The following NPAS3 variants were observed in gnomAD, a reference collection of about 807,000 sequenced individuals.
The protein encoded by NPAS3 is neuronal PAS domain-containing protein 3.
A neutral mutation model predicts 73.1 loss-of-function variants in NPAS3; 14 were observed. The ratio of observed to expected loss-of-function variants is 0.19; its 90% CI spans 0.13 to 0.30. The LOEUF (loss-of-function observed/expected upper bound fraction) is 0.30. NPAS3 is among the 10% of genes least tolerant of loss of function. The pLI is 1.00. For missense variants in NPAS3, 1,096 were observed against 1,250.0 expected, an observed-to-expected ratio of 0.88 and a Z score of 1.86; for synonymous variants, 620 against 541.5, an observed-to-expected ratio of 1.14 and a Z score of -2.01.
chr14:33,467,378 T>C (rs910597540), intron 4 of NPAS3, among the ~76,000 whole-genome samples: 1 of 152,188 alleles, frequency 6.6e-6, no homozygotes, highest in Non-Finnish European at 1.5e-5. Context: ...GGGAAGTAGA[T>C]GGAAAACAAT....
intron 4 of NPAS3, among the ~76,000 whole-genome samples, chr14:33,379,977 C>CGTGTGTGTGTGT (rs34208750): frequency 0.056 from 8,118 of 144,204 alleles, 339 homozygotes; most frequent in Admixed American, 0.1. Context: ...AGTTATCCCT[C>CGTGTGTGTGTGT]GTGTGTGTGT....
intron 4 of NPAS3, among the ~76,000 whole-genome samples, chr14:33,372,426 A>G (rs1039329677): frequency 1.3e-5 from 2 of 152,190 alleles, no homozygotes; most frequent in Non-Finnish European, 2.9e-5. Context: ...TTTTCCACTG[A>G]GAGGGAGAAA....
chr14:33,047,217 A>G (rs567023098), intron 1 of NPAS3, among the ~76,000 whole-genome samples: 1 of 152,332 alleles, frequency 6.6e-6, no homozygotes, highest in South Asian at 2.1e-4. Flanking sequence ...TTGATACTTT[A>G]ATAGTATTAA....
rs2054480306 is a variant in NPAS3, at chr14:33,540,885, G to T, written c.469-19236G>T. Among the ~76,000 whole-genome samples the T allele has an allele frequency of 2.6e-5, 4 of 152,172 alleles. No homozygotes were observed. The South Asian group carries it at 8.3e-4, about 32-fold the overall frequency. ...CAAGCTAAAGAAACCAGGCGTGGAA[G>T]TTGCATTTTTTGAAGAGGGATTATC... On this transcript the variant is annotated intron_variant, in intron 4 of 11. Coordinates refer to ENST00000356141, the Ensembl canonical transcript of NPAS3.
chr14:33,542,561 C>A (rs1051697952), intron 4 of NPAS3, among the ~76,000 whole-genome samples: 3 of 152,098 alleles, frequency 2.0e-5, no homozygotes, highest in African/African-American at 4.8e-5. Flanking sequence ...CTTTTGAGCC[C>A]TTTCTAAGTT....
chr14:33,466,750 G>A (rs752450230), intron 4 of NPAS3, among the ~76,000 whole-genome samples: 3 of 152,054 alleles, frequency 2.0e-5, no homozygotes, highest in Non-Finnish European at 2.9e-5. Context: ...TGGAGGAGGT[G>A]CCACACACTT....
At chr14:33,684,057 AG>A (rs2060016506) in intron 6 of NPAS3, among the ~76,000 whole-genome samples, 1 of 152,134 alleles carries the variant, frequency 6.6e-6, no homozygotes, top group African/African-American at 2.4e-5. Context: ...ATTAGAGGAA[AG>A]GGTACAATAT....
intron 5 of NPAS3, among the ~76,000 whole-genome samples, chr14:33,666,500 C>A (rs1362708630): frequency 1.3e-5 from 2 of 152,186 alleles, no homozygotes; most frequent in Non-Finnish European, 2.9e-5. Flanking sequence ...AGAATGTTGG[C>A]CCCTACCCCA....
Position 33,742,297 on chromosome 14 carries a change from CTT to C in NPAS3, c.852+6967_852+6968del, listed in dbSNP as rs1478118463. Among the ~76,000 whole-genome samples, 9 of 152,248 alleles carry C rather than the reference CTT, an allele frequency of 5.9e-5. No homozygotes were observed. In the East Asian group the frequency reaches 1.7e-3, roughly 29 times the overall value. Reference sequence around the variant, plus strand: ...GGTCTGAAATAGCAGTTACTAAACTCTTTACAGAAATCGAAGGTTTCCAGATA... The same window carrying C: ...GGTCTGAAATAGCAGTTACTAAACTCTACAGAAATCGAAGGTTTCCAGATA... On this transcript the variant is annotated intron_variant, in intron 7 of 11. Coordinates refer to ENST00000356141, the Ensembl canonical transcript of NPAS3.
intron 3 of NPAS3, among the ~76,000 whole-genome samples, chr14:33,326,382 A>G (rs1347561694): frequency 8.5e-5 from 13 of 152,170 alleles, no homozygotes. Flanking sequence ...AAACAAAAGC[A>G]TCGTATTTGG....
chr14:33,604,406 A>C (rs1156740271), intron 5 of NPAS3, among the ~76,000 whole-genome samples: 1 of 152,094 alleles, frequency 6.6e-6, no homozygotes, highest in African/African-American at 2.4e-5. Flanking sequence ...GAATATAACT[A>C]TGGATAAAGA....
At chr14:33,659,880 A>G (rs1390803381) in intron 5 of NPAS3, among the ~76,000 whole-genome samples, 1 of 152,130 alleles carries the variant, frequency 6.6e-6, no homozygotes, top group Admixed American at 6.5e-5. Context: ...CAATGGTAGA[A>G]ACAAAAAGAA....
intron 5 of NPAS3, among the ~76,000 whole-genome samples, chr14:33,589,469 T>C (rs1425727166): frequency 1.2e-4 from 18 of 152,196 alleles, no homozygotes. Context: ...GAGGTTCTAT[T>C]GTTACGTCAG....
At chr14:33,317,562 G>A (rs1199457084) in intron 3 of NPAS3, among the ~76,000 whole-genome samples, 1 of 152,052 alleles carries the variant, frequency 6.6e-6, no homozygotes, top group African/African-American at 2.4e-5. Context: ...GAATTGTGGA[G>A]GTGGTTACTT....
intron 3 of NPAS3, among the ~76,000 whole-genome samples, chr14:33,350,290 T>G (rs10872875): frequency 0.57 from 86,581 of 152,018 alleles, 24,826 homozygotes; most frequent in Admixed American, 0.64. Context: ...GAAATCCACA[T>G]TTCTCCTCAG....
intron 9 of NPAS3, among the ~76,000 whole-genome samples, chr14:33,785,012 C>A (rs8009687): frequency 0.28 from 42,221 of 151,028 alleles, 6,577 homozygotes; most frequent in African/African-American, 0.41. Flanking sequence ...GGCCTCCCAA[C>A]GGGCTGGGAT....
chr14:33,423,700 T>A (rs2048444736), intron 4 of NPAS3, among the ~76,000 whole-genome samples: 1 of 151,982 alleles, frequency 6.6e-6, no homozygotes, highest in African/African-American at 2.4e-5. Flanking sequence ...TCTTCATGTA[T>A]ATTTTAGTCA....
intron 5 of NPAS3, among the ~76,000 whole-genome samples, chr14:33,662,869 CTTTTT>C (rs550747845): frequency 1.1e-5 from 1 of 89,896 alleles, no homozygotes; most frequent in African/African-American, 4.8e-5. Context: ...TGGGGTTTTC[CTTTTT>C]TTTTTTTTTT....
intron 2 of NPAS3, among the ~76,000 whole-genome samples, chr14:33,197,967 T>C (rs980436521): frequency 1.3e-5 from 2 of 151,622 alleles, no homozygotes; most frequent in African/African-American, 4.8e-5. Context: ...AGTTTCTTCC[T>C]TGTGGTGGGT....
Sources: gnomAD v4.1 joint callset for allele counts (sites outside exome capture counted in the v4.1 genomes callset) on GRCh38, gnomAD v4.1.1 for gene constraint, MANE v1.5 for transcripts, NCBI Gene and HGNC (gene_info 2026-07-23, HGNC 2026-07-21) for gene names.